The following ARHGAP31 variants were observed in gnomAD, a reference collection of about 807,000 sequenced individuals.
The protein encoded by ARHGAP31 is Rho GTPase activating protein 31.
In ARHGAP31, 34 loss-of-function variants were observed where a neutral mutation model predicts 113.9. The ratio of observed to expected loss-of-function variants is 0.30; its 90% CI spans 0.23 to 0.40. The LOEUF (loss-of-function observed/expected upper bound fraction) is 0.40, where lower values mean the gene tolerates loss of function less well. Among genes scored for constraint, ARHGAP31 ranks in the 10% least tolerant of loss-of-function variants. The pLI is 1.00. For synonymous variants in ARHGAP31, 650 were observed against 684.8 expected, an observed-to-expected ratio of 0.95 and a Z score of 0.79; for missense variants, 1,548 against 1,767.1, an observed-to-expected ratio of 0.88 and a Z score of 2.22.
At chr3:119,318,239 C>A (rs956073252) in intron 1 of ARHGAP31, among the ~76,000 whole-genome samples, 3 of 152,162 alleles carry the variant, frequency 2.0e-5, no homozygotes, top group Non-Finnish European at 2.9e-5. Flanking sequence ...CACTGTACCC[C>A]AGCCTGGGTG....
intron 1 of ARHGAP31, among the ~76,000 whole-genome samples, chr3:119,332,635 T>TCTCTCTCA (rs1403595583): frequency 5.5e-4 from 47 of 85,726 alleles, no homozygotes; most frequent in Middle Eastern, 6.4e-3. Context: ...TCTCTCTCTC[T>TCTCTCTCA]CACACACACA....
At chr3:119,332,633 TCTCACACACACACA>T (rs1224531850) in intron 1 of ARHGAP31, among the ~76,000 whole-genome samples, 1,867 of 61,426 alleles carry the variant, frequency 0.03, 29 homozygotes, top group African/African-American at 0.12. Flanking sequence ...TCTCTCTCTC[TCTCACACACACACA>T]CACACACACA....
intron 1 of ARHGAP31, among the ~76,000 whole-genome samples, chr3:119,304,978 C>T (rs558088026): frequency 3.9e-5 from 6 of 152,098 alleles, no homozygotes; most frequent in Non-Finnish European, 5.9e-5. Flanking sequence ...CCCTCTGTTT[C>T]TTGATTAAAT....
At chr3:119,332,938 CA>C (rs1428326385) in intron 1 of ARHGAP31, among the ~76,000 whole-genome samples, 1 of 152,150 alleles carries the variant, frequency 6.6e-6, no homozygotes, top group Non-Finnish European at 1.5e-5. Flanking sequence ...TTATTTAATT[CA>C]ACCTATTAGG....
chr3:119,381,265 T>C (rs533858905), intron 4 of ARHGAP31, among the ~76,000 whole-genome samples: 1 of 152,300 alleles, frequency 6.6e-6, no homozygotes, highest in South Asian at 2.1e-4. Flanking sequence ...AGCCTCTTGG[T>C]GGCATTCTTG....
At chr3:119,364,822 G>A (rs1317718803) in intron 1 of ARHGAP31, among the ~76,000 whole-genome samples, 1 of 152,206 alleles carries the variant, frequency 6.6e-6, no homozygotes, top group African/African-American at 2.4e-5. Flanking sequence ...GCCAGGTGTA[G>A]TGGCTCACAC....
rs1318832447 is a variant in ARHGAP31, at chr3:119,415,016, A to G, written c.3087A>G (p.Gln1029=). The change falls in exon 12 of 12, where the codon CAA becomes CAG. Residue 1029 remains glutamine, a synonymous_variant. Coordinates refer to ENST00000264245, the MANE Select transcript of ARHGAP31 (RefSeq NM_020754.4). ...PPNQKGPSGV[Q]PNPAETSPIS... is the part of the protein sequence containing the mutation. ...ACCAGAAGGGACCAAGTGGTGTGCA[A>G]CCCAACCCAGCAGAAACCAGCCCCA... 5 of 1,614,168 alleles carry G rather than the reference A, an allele frequency of 3.1e-6. No homozygotes were observed. The highest frequency in any genetic ancestry group is 1.6e-4 in the Middle Eastern group (1 of 6,062).
chr3:119,386,648 C>T (rs561305691), intron 6 of ARHGAP31, among the ~76,000 whole-genome samples: 2 of 152,248 alleles, frequency 1.3e-5, no homozygotes, highest in African/African-American at 4.8e-5. Context: ...ACAGTTGGGC[C>T]CGGGGGACCA....
chr3:119,313,640 T>C (rs1291564227), intron 1 of ARHGAP31, among the ~76,000 whole-genome samples: 1 of 152,190 alleles, frequency 6.6e-6, no homozygotes, highest in Non-Finnish European at 1.5e-5. Flanking sequence ...GTTTAGGCCC[T>C]GGAGTAAAGC....
intron 1 of ARHGAP31, among the ~76,000 whole-genome samples, chr3:119,322,943 G>A (rs542031318): frequency 6.6e-6 from 1 of 152,258 alleles, no homozygotes; most frequent in South Asian, 2.1e-4. Context: ...TCCCGTTCCA[G>A]CCCTGCCCCC....
chr3:119,319,774 A>G (rs2079766139), intron 1 of ARHGAP31, among the ~76,000 whole-genome samples: 1 of 152,176 alleles, frequency 6.6e-6, no homozygotes, highest in South Asian at 2.1e-4. Flanking sequence ...GAGATGGTCA[A>G]GTTGTTAGAG....
intron 1 of ARHGAP31, among the ~76,000 whole-genome samples, chr3:119,316,237 T>C (rs964285937): frequency 2.0e-5 from 3 of 152,220 alleles, no homozygotes; most frequent in Admixed American, 2.0e-4. Context: ...GGAGTGGGGA[T>C]CTAACAAGAC....
rs1262604618 is a variant in ARHGAP31 at position 119,417,875 on chromosome 3, G to A, written c.*1611G>A. 6.6e-6 allele frequency: 1 copy of A among 152,120 alleles called. No individual in the cohort carries two copies. The highest frequency in any genetic ancestry group is 1.5e-5 in the Non-Finnish European group (1 of 68,042). The allele number at this position is 152,120 out of a possible 1,614,324, so 9.4% of individuals were successfully genotyped here. A position where few individuals can be genotyped will look rare whatever the true frequency, so the allele number is the denominator to read the frequency against. On this transcript the variant is annotated 3_prime_UTR_variant, in exon 12 of 12. Transcript: ENST00000264245. ...TGGCTGAATTCTGCCCAGAAGCTCAGTCATTGCAGAAATTTCTCTAAGGGC... is the reference window on the plus strand; with the variant it reads ...TGGCTGAATTCTGCCCAGAAGCTCAATCATTGCAGAAATTTCTCTAAGGGC...
intron 1 of ARHGAP31, among the ~76,000 whole-genome samples, chr3:119,335,011 A>C (rs1227091585): frequency 6.6e-6 from 1 of 152,202 alleles, no homozygotes; most frequent in Admixed American, 6.5e-5. Flanking sequence ...TCTCCAAATT[A>C]AAAATGAGTT....
At chr3:119,311,411 C>T (rs1289629471) in intron 1 of ARHGAP31, among the ~76,000 whole-genome samples, 2 of 152,322 alleles carry the variant, frequency 1.3e-5, no homozygotes, top group East Asian at 3.9e-4. Context: ...CTGCGTCTCT[C>T]TTATGAAGTG....
rs189569792 is a variant in ARHGAP31 at position 119,366,118 on chromosome 3, T to C, written c.203+700T>C. 3.1e-3 allele frequency among the ~76,000 whole-genome samples: 474 copies of C among 152,094 alleles called. 1 individual carries two copies. The highest frequency in any genetic ancestry group is 5.2e-3 in the Non-Finnish European group (353 of 67,976). ...CAGAGAGTATATAGAAAACAGAGTA[T>C]ATATGTATAATTTTACATAACTTAA... On this transcript the variant is annotated intron_variant, in intron 2 of 11. Transcript: ENST00000264245.
chr3:119,387,130 C>T (rs909566162), intron 6 of ARHGAP31, among the ~76,000 whole-genome samples: 2 of 152,156 alleles, frequency 1.3e-5, no homozygotes, highest in African/African-American at 4.8e-5. Context: ...TCCCGGTCTG[C>T]TAAGTAGTGG....
intron 1 of ARHGAP31, among the ~76,000 whole-genome samples, chr3:119,335,104 G>A (rs2079931268): frequency 6.6e-6 from 1 of 152,138 alleles, no homozygotes; most frequent in Non-Finnish European, 1.5e-5. Context: ...ATCTAAAATG[G>A]TGGTTAGGCT....
chr3:119,295,200 C>G (rs1439799651), intron 1 of ARHGAP31, among the ~76,000 whole-genome samples, 196 bp downstream of exon 1: 1 of 151,678 alleles, frequency 6.6e-6, no homozygotes, highest in African/African-American at 2.4e-5. Context: ...TGTCCCGACG[C>G]GCAGAGGCTG....
Sources: allele counts gnomAD v4.1 joint callset (sites outside exome capture counted in the v4.1 genomes callset), GRCh38; gene constraint gnomAD v4.1.1; transcripts MANE v1.5; gene names NCBI Gene and HGNC (gene_info 2026-07-23, HGNC 2026-07-21).